KCNQ3: variants seen among roughly 807,000 people sequenced by gnomAD.
KCNQ3 encodes potassium voltage-gated channel subfamily Q member 3.
In KCNQ3, 30 loss-of-function variants were observed where a neutral mutation model predicts 92.5. The observed-to-expected ratio is 0.32, with a 90% CI of 0.24 to 0.44. KCNQ3 has a LOEUF of 0.44. KCNQ3 is among the 20% of genes least tolerant of loss of function. The pLI is 1.00. For synonymous variants in KCNQ3, 450 were observed against 468.8 expected (o/e 0.96, Z 0.52); for missense variants, 913 against 1,140.3 (o/e 0.80, Z 2.87).
intron 6 of KCNQ3, 103 bp downstream of exon 6, chr8:132,174,136 G>A: frequency 1.2e-6 from 1 of 819,858 alleles, no homozygotes; most frequent in Non-Finnish European, 2.1e-6. Flanking sequence ...GGAGTTGGTA[G>A]GGTATAAGAG....
At chr8:132,337,527 A>C (rs1178422647) in intron 1 of KCNQ3, among the ~76,000 whole-genome samples, 1 of 152,094 alleles carries the variant, frequency 6.6e-6, no homozygotes, top group Non-Finnish European at 1.5e-5. Context: ...ACAAACAAAC[A>C]AACAAACAAA....
At chr8:132,216,261 T>C (rs1004751930) in intron 1 of KCNQ3, among the ~76,000 whole-genome samples, 1 of 152,192 alleles carries the variant, frequency 6.6e-6, no homozygotes, top group African/African-American at 2.4e-5. Flanking sequence ...AACTCTGAAG[T>C]AGCCCAAACC....
chr8:132,231,570 C>T (rs12541725), intron 1 of KCNQ3, among the ~76,000 whole-genome samples: 75,624 of 151,984 alleles, frequency 0.5, 19,281 homozygotes, highest in African/African-American at 0.62. Flanking sequence ...TGCTTTTTCT[C>T]TACACACAGA....
intron 1 of KCNQ3, among the ~76,000 whole-genome samples, chr8:132,248,248 A>G (rs544038816): frequency 7.2e-5 from 11 of 152,026 alleles, no homozygotes; most frequent in Non-Finnish European, 1.3e-4. Context: ...GTCATTAGAT[A>G]CTTTTCTTCT....
Position 132,270,892 on chromosome 8 carries a change from C to A in KCNQ3, c.387-84711G>T, listed in dbSNP as rs1816127473. Among the ~76,000 whole-genome samples the A allele has an allele frequency of 1.3e-5, 2 of 152,188 alleles. 1 individual carries two copies. Among genetic ancestry groups the A allele is most frequent in the South Asian group, 4.1e-4 (2 of 4,830 alleles). On this transcript the variant is annotated intron_variant, in intron 1 of 14. Transcript: ENST00000388996. ...TTGGGATGGGGCCCAGGGATGTTTA[C>A]TTTAACAAGTTCCACAGGAGATTTG...
chr8:132,233,821 A>C (rs1432114245), intron 1 of KCNQ3, among the ~76,000 whole-genome samples: 1 of 152,224 alleles, frequency 6.6e-6, no homozygotes, highest in Non-Finnish European at 1.5e-5. Context: ...TCACATCTTA[A>C]TGTTAACTTT....
At position 132,480,596 on chromosome 8, in the gene KCNQ3, G is replaced by T. The variant is rs1822536987; in HGVS notation, c.-64C>A. 3 of 1,231,972 alleles carry T rather than the reference G, an allele frequency of 2.4e-6. No individual in the cohort carries two copies. The South Asian group carries it at 4.8e-5, about 20-fold the overall frequency. The allele number at this position is 1,231,972 out of a possible 1,614,324, so 76.3% of individuals were successfully genotyped here. On this transcript the variant is annotated 5_prime_UTR_variant, in exon 1 of 15. Coordinates refer to ENST00000388996, the MANE Select transcript of KCNQ3 (RefSeq NM_004519.4). ...CTGCTCTGGGAAGAAGGGGCGCTCG[G>T]GGTGCGTGAACGAGGCGGCGGCGGC...
chr8:132,362,820 G>T (rs145165315), intron 1 of KCNQ3, among the ~76,000 whole-genome samples: 1 of 152,308 alleles, frequency 6.6e-6, no homozygotes, highest in African/African-American at 2.4e-5. Flanking sequence ...CAGATGTATT[G>T]AGCTGGGAAA....
intron 14 of KCNQ3, among the ~76,000 whole-genome samples, chr8:132,131,330 G>C (rs749185968): frequency 5.4e-4 from 83 of 152,302 alleles, no homozygotes; most frequent in Middle Eastern, 6.8e-3. Context: ...GAGTTAGGCA[G>C]ATGATGCTAG....
intron 3 of KCNQ3, among the ~76,000 whole-genome samples, 158 bp downstream of exon 3, chr8:132,184,083 T>C (rs1454843646): frequency 6.6e-6 from 1 of 152,174 alleles, no homozygotes; most frequent in African/African-American, 2.4e-5. Flanking sequence ...ACCCAGAAGG[T>C]TGACACTGTC....
intron 1 of KCNQ3, among the ~76,000 whole-genome samples, chr8:132,462,530 A>C (rs962824266): frequency 2.0e-5 from 3 of 152,206 alleles, no homozygotes; most frequent in Non-Finnish European, 4.4e-5. Context: ...AAGTTATATG[A>C]ATTATATTTC....
At chr8:132,202,118 G>A (rs1827481891) in intron 1 of KCNQ3, among the ~76,000 whole-genome samples, 1 of 152,104 alleles carries the variant, frequency 6.6e-6, no homozygotes. Flanking sequence ...GTGGCTGAGG[G>A]GTGCTGTGCT....
intron 2 of KCNQ3, among the ~76,000 whole-genome samples, chr8:132,185,081 A>G (rs1297024302): frequency 1.3e-5 from 2 of 152,140 alleles, no homozygotes; most frequent in Non-Finnish European, 2.9e-5. Flanking sequence ...GCCCTGAGGC[A>G]TTGCTGCTCC....
chr8:132,229,949 C>T (rs754376908), intron 1 of KCNQ3, among the ~76,000 whole-genome samples: 2 of 152,160 alleles, frequency 1.3e-5, no homozygotes, highest in Admixed American at 6.5e-5. Context: ...TTGCAGCACA[C>T]TTCTGGTGCA....
intron 1 of KCNQ3, among the ~76,000 whole-genome samples, chr8:132,366,260 C>A (rs944523341): frequency 6.6e-6 from 1 of 152,046 alleles, no homozygotes; most frequent in Admixed American, 6.6e-5. Context: ...AACAGTTTTA[C>A]CATTACTATG....
intron 1 of KCNQ3, among the ~76,000 whole-genome samples, chr8:132,248,567 G>A (rs1047763673): frequency 6.6e-6 from 1 of 152,136 alleles, no homozygotes; most frequent in Non-Finnish European, 1.5e-5. Context: ...CCAAGTGAGA[G>A]CTCAAATTCT....
chr8:132,365,421 T>C (rs1313120655), intron 1 of KCNQ3, among the ~76,000 whole-genome samples: 5 of 152,232 alleles, frequency 3.3e-5, no homozygotes, highest in African/African-American at 1.2e-4. Context: ...TGGGTGCCTG[T>C]GCATGTTTTT....
At chr8:132,377,336 C>A (rs1249602970) in intron 1 of KCNQ3, among the ~76,000 whole-genome samples, 1 of 152,186 alleles carries the variant, frequency 6.6e-6, no homozygotes, top group African/African-American at 2.4e-5. Flanking sequence ...TTGCAGACAG[C>A]AGATCAAGAG....
intron 1 of KCNQ3, among the ~76,000 whole-genome samples, chr8:132,354,407 T>C (rs1818959065): frequency 6.6e-6 from 1 of 152,206 alleles, no homozygotes; most frequent in Admixed American, 6.5e-5. Context: ...AGATCACCTG[T>C]AATTAGAAAT....
Sources: gnomAD v4.1 joint callset for allele counts (sites outside exome capture counted in the v4.1 genomes callset) on GRCh38, gnomAD v4.1.1 for gene constraint, MANE v1.5 for transcripts, NCBI Gene and HGNC (gene_info 2026-07-23, HGNC 2026-07-21) for gene names.